MAPKAP1: variants seen among roughly 807,000 people sequenced by gnomAD.
The protein encoded by MAPKAP1 is target of rapamycin complex 2 subunit MAPKAP1.
Under a neutral mutation model 65.7 loss-of-function variants are expected in MAPKAP1, and 20 were observed. The observed-to-expected ratio is 0.30, with a 90% CI of 0.21 to 0.44. The LOEUF is 0.44. Among genes scored for constraint, MAPKAP1 ranks in the 20% least tolerant of loss-of-function variants. The pLI is 1.00. For missense variants in MAPKAP1, 423 were observed against 648.0 expected (o/e 0.65, Z 3.77); for synonymous variants, 222 against 244.3 (o/e 0.91, Z 0.85).
At chr9:125,631,908 T>A (rs1833295083) in intron 4 of MAPKAP1, among the ~76,000 whole-genome samples, 1 of 152,094 alleles carries the variant, frequency 6.6e-6, no homozygotes, top group Non-Finnish European at 1.5e-5. Context: ...CCAGGCCAGG[T>A]GTCCTTCCTC....
At chr9:125,577,466 C>T (rs1345914918) in intron 5 of MAPKAP1, among the ~76,000 whole-genome samples, 6 of 146,986 alleles carry the variant, frequency 4.1e-5, no homozygotes, top group Admixed American at 1.3e-4. Flanking sequence ...CAGCCAGCCG[C>T]CCCGTCTGGG....
chr9:125,471,956 T>A (rs916741373), intron 9 of MAPKAP1: 3 of 152,222 alleles, frequency 2.0e-5, no homozygotes, highest in Non-Finnish European at 4.4e-5. Context: ...TGGTTAGAAA[T>A]CCACTGTGTG....
At chr9:125,442,146 A>AG (rs1035933887) in intron 11 of MAPKAP1, among the ~76,000 whole-genome samples, 4 of 151,300 alleles carry the variant, frequency 2.6e-5, no homozygotes, top group African/African-American at 9.7e-5. Flanking sequence ...AAAAAAAAAA[A>AG]AAAAAAAAAT....
chr9:125,536,720 T>C (rs1326279083), intron 7 of MAPKAP1, among the ~76,000 whole-genome samples: 4 of 152,290 alleles, frequency 2.6e-5, no homozygotes, highest in Middle Eastern at 3.4e-3. Context: ...TCTGTACCAA[T>C]TGCATGTGAA....
At position 125,652,097 on chromosome 9, in the gene MAPKAP1, C is replaced by A. The variant is rs150679200; in HGVS notation, c.498+5554G>T. The A allele has an allele frequency of 8.5e-4, 1,068 of 1,258,042 alleles. 6 individuals carry two copies. The African/African-American group carries it at 0.015, about 18-fold the overall frequency. The allele number at this position is 1,258,042 out of a possible 1,614,324, so 77.9% of individuals were successfully genotyped here. A position where few individuals can be genotyped will look rare whatever the true frequency, so the allele number is the denominator to read the frequency against. ...CCACTAAGGGCAATTTTTCTTTTTA[C>A]GTGATTTCAATTCGCTGACCTTTTC... On this transcript the variant is annotated intron_variant, in intron 4 of 11. Transcript: ENST00000265960.
chr9:125,539,786 T>C (rs528207706), intron 7 of MAPKAP1, among the ~76,000 whole-genome samples: 7 of 152,346 alleles, frequency 4.6e-5, no homozygotes, highest in African/African-American at 1.7e-4. Context: ...ATTCTCCAAT[T>C]ACAATTTTCT....
chr9:125,611,897 G>A (rs1832610808), intron 4 of MAPKAP1, among the ~76,000 whole-genome samples: 1 of 152,090 alleles, frequency 6.6e-6, no homozygotes, highest in Non-Finnish European at 1.5e-5. Flanking sequence ...CTGATGGCTT[G>A]GACAAAAATA....
chr9:125,442,128 CAAAAAAA>C (rs71492449), intron 11 of MAPKAP1, among the ~76,000 whole-genome samples: 4 of 38,760 alleles, frequency 1.0e-4, no homozygotes, highest in African/African-American at 3.8e-4. Flanking sequence ...GACTCTGTCT[CAAAAAAA>C]AAAAAAAAAA....
chr9:125,447,150 T>A lies in MAPKAP1; in HGVS notation c.1346-2552A>T, dbSNP rs1027813439. 6.6e-6 allele frequency among the ~76,000 whole-genome samples: 1 copy of A among 152,114 alleles called. No individual in the cohort carries two copies. The highest frequency in any genetic ancestry group is 2.1e-4 in the South Asian group (1 of 4,830). Reference sequence around the variant, plus strand: ...AACCTCAAATCCCGTCCTCTGAATTTTGAATGTATTTGGTTGCATGTGGAG... The same window carrying A: ...AACCTCAAATCCCGTCCTCTGAATTATGAATGTATTTGGTTGCATGTGGAG... On this transcript the variant is annotated intron_variant, in intron 10 of 11. Transcript: ENST00000265960. This position sits in a 1 kb window ranked among gnomAD's most constrained non-coding sequence, Gnocchi z 4.5.
chr9:125,442,316 G>A (rs1852518994), intron 11 of MAPKAP1, among the ~76,000 whole-genome samples: 1 of 152,040 alleles, frequency 6.6e-6, no homozygotes, highest in Admixed American at 6.5e-5. Context: ...TAGGGAAGGT[G>A]ACAGACCTCA....
chr9:125,483,309 T>G (rs1175377108), intron 9 of MAPKAP1, among the ~76,000 whole-genome samples: 1 of 152,238 alleles, frequency 6.6e-6, no homozygotes, highest in Non-Finnish European at 1.5e-5. Flanking sequence ...CCATTTGTGA[T>G]TCTCTTGCCC....
chr9:125,667,672 A>ATCTGCCACCTTGGCCTCCAT (rs2131787029), intron 3 of MAPKAP1, among the ~76,000 whole-genome samples: 1 of 151,898 alleles, frequency 6.6e-6, no homozygotes, highest in East Asian at 1.9e-4. Context: ...TTGGCCTCCA[A>ATCTGCCACCTTGGCCTCCAT]AAGTGTTGGG....
chr9:125,524,783 A>G (rs894766194), intron 7 of MAPKAP1, among the ~76,000 whole-genome samples: 3 of 152,220 alleles, frequency 2.0e-5, no homozygotes, highest in Non-Finnish European at 4.4e-5. Context: ...CAGGCCAATC[A>G]GCATTTCCTC....
chr9:125,677,062 A>G (rs780229383), intron 1 of MAPKAP1, among the ~76,000 whole-genome samples: 12 of 152,222 alleles, frequency 7.9e-5, no homozygotes, highest in Non-Finnish European at 1.8e-4. Flanking sequence ...TAGAAATGCT[A>G]TTCTACACTT....
intron 10 of MAPKAP1, among the ~76,000 whole-genome samples, chr9:125,448,198 G>A (rs775997341): frequency 5.3e-5 from 8 of 152,192 alleles, no homozygotes; most frequent in Non-Finnish European, 1.0e-4. Flanking sequence ...ATACTGAAAA[G>A]GAATGGAGGC....
chr9:125,513,946 A>C (rs1829385366), intron 7 of MAPKAP1, among the ~76,000 whole-genome samples: 1 of 152,232 alleles, frequency 6.6e-6, no homozygotes, highest in African/African-American at 2.4e-5. Flanking sequence ...ACAGTTCCCT[A>C]GTCTCTCAGG....
In MAPKAP1 at chr9:125,529,784, T is replaced by C. The variant is rs150805833; in HGVS notation, c.958+13275A>G. Among the ~76,000 whole-genome samples, 674 of 152,336 alleles carry C rather than the reference T, an allele frequency of 4.4e-3. 6 individuals carry two copies. Among genetic ancestry groups the C allele is most frequent in the African/African-American group, 0.015 (631 of 41,580 alleles). On this transcript the variant is annotated intron_variant, in intron 7 of 11. Coordinates refer to ENST00000265960, the MANE Select transcript of MAPKAP1 (RefSeq NM_001006617.3). ...AACCAGAGAGGTAGATGCTGATACG[T>C]CCTCTCCCCAGATCTGCCTTACGGT... is the stretch of plus-strand genomic sequence containing the variant.
At chr9:125,688,080 T>C (rs193257562) in intron 1 of MAPKAP1, among the ~76,000 whole-genome samples, 166 of 152,344 alleles carry the variant, frequency 1.1e-3, no homozygotes, top group Admixed American at 2.2e-3. Flanking sequence ...TTGTTACTAT[T>C]AACAAAACTG....
At chr9:125,550,956 G>A (rs1407885147) in intron 6 of MAPKAP1, among the ~76,000 whole-genome samples, 2 of 152,114 alleles carry the variant, frequency 1.3e-5, no homozygotes, top group African/African-American at 4.8e-5. Context: ...TTTTAGCTCT[G>A]CCTCTTACCA....
Sources: allele counts gnomAD v4.1 joint callset (sites outside exome capture counted in the v4.1 genomes callset), GRCh38; gene constraint gnomAD v4.1.1; non-coding constraint Gnocchi (gnomAD v3.1); transcripts MANE v1.5; gene names NCBI Gene and HGNC (gene_info 2026-07-23, HGNC 2026-07-21).